Variants in CRTC1 observed in about 807,000 individuals in gnomAD.
CRTC1 encodes CREB-regulated transcription coactivator 1.
In CRTC1, 18 loss-of-function variants were observed where a neutral mutation model predicts 66.1. The observed-to-expected ratio is 0.27, with a 90% CI of 0.19 to 0.40. The LOEUF is 0.40. CRTC1 is among the 10% of genes least tolerant of loss of function. The pLI is 1.00. For missense variants in CRTC1, 669 were observed against 887.9 expected, an observed-to-expected ratio of 0.75 and a Z score of 3.13; for synonymous variants, 416 against 398.8, an observed-to-expected ratio of 1.04 and a Z score of -0.51.
Position 18,774,965 on chromosome 19 carries a change from G to A in CRTC1, c.1491G>A (p.Gln497=). ...AYYEQQMAAR[Q]ANALSHQLEQ... ...ATGAGCAGCAGATGGCGGCCAGGCA[G>A]GCCAATGCTCTGTCCCACCAGGTGA... Residue 497 remains glutamine (Q), a synonymous_variant, in exon 12 of 14, where the codon CAG becomes CAA. Coordinates refer to ENST00000321949, the MANE Select transcript of CRTC1 (RefSeq NM_015321.3). The A allele has an allele frequency of 6.2e-7, 1 of 1,607,396 alleles. No individual in the cohort carries two copies. The highest frequency in any genetic ancestry group is 8.5e-7 in the Non-Finnish European group (1 of 1,179,962).
intron 11 of CRTC1, among the ~76,000 whole-genome samples, chr19:18,772,823 G>A (rs2054899966): frequency 6.6e-6 from 1 of 152,176 alleles, no homozygotes; most frequent in Non-Finnish European, 1.5e-5. Flanking sequence ...TGAGCTCTCG[G>A]GCTCTGGCAG....
Position 18,755,180 on chromosome 19 carries a change from G to T in CRTC1, c.624+1595G>T, listed in dbSNP as rs572333307. On this transcript the variant is annotated intron_variant, in intron 6 of 13. Coordinates refer to ENST00000321949, the MANE Select transcript of CRTC1 (RefSeq NM_015321.3). ...ATTTTTGTATTTTTGGTAGAAACAG[G>T]GTTTCACCATGTTGGCCAGGCTGGT... 9.3e-4 allele frequency among the ~76,000 whole-genome samples: 141 copies of T among 152,014 alleles called. 1 individual carries two copies. The highest frequency in any genetic ancestry group is 1.6e-3 in the Non-Finnish European group (108 of 67,976).
At chr19:18,685,918 T>G (rs1347358775) in intron 1 of CRTC1, among the ~76,000 whole-genome samples, 1 of 152,214 alleles carries the variant, frequency 6.6e-6, no homozygotes, top group Non-Finnish European at 1.5e-5. Flanking sequence ...AAACATCTCT[T>G]TAAAATAATA....
chr19:18,684,306 G>C (rs1451042783), intron 1 of CRTC1, among the ~76,000 whole-genome samples: 2 of 151,586 alleles, frequency 1.3e-5, no homozygotes, highest in Non-Finnish European at 1.5e-5. Flanking sequence ...TGGTAGCTGG[G>C]GGTGAGGGTG....
chr19:18,686,915 T>G (rs2052696358), intron 1 of CRTC1, among the ~76,000 whole-genome samples: 1 of 151,432 alleles, frequency 6.6e-6, no homozygotes, highest in African/African-American at 2.4e-5. Context: ...GGGTGGAGGC[T>G]GGGATGCTGC....
In CRTC1 at chr19:18,779,640, C is replaced by T. The variant is rs1393136061; in HGVS notation, c.*2258C>T. 2.2e-5 allele frequency: 5 copies of T among 223,334 alleles called. No homozygotes were observed. The highest frequency in any genetic ancestry group is 1.8e-4 in the South Asian group (1 of 5,446). The allele number at this position is 223,334 out of a possible 1,614,324, so 13.8% of individuals were successfully genotyped here. On this transcript the variant is annotated 3_prime_UTR_variant, in exon 14 of 14. Transcript: ENST00000321949. The stretch of plus-strand genomic sequence containing the variant: ...CCTCATACCCCATCCGTCCAACCTC[C>T]GGCGGGCGCCACTGCTTGTCCTCTG...
chr19:18,749,033 C>T (rs955359102), intron 4 of CRTC1, among the ~76,000 whole-genome samples: 1 of 152,120 alleles, frequency 6.6e-6, no homozygotes, highest in Non-Finnish European at 1.5e-5. Flanking sequence ...CCACATTTTG[C>T]CTGGCAGCCA....
intron 1 of CRTC1, among the ~76,000 whole-genome samples, chr19:18,689,381 A>C (rs1200742909): frequency 6.8e-6 from 1 of 146,592 alleles, no homozygotes; most frequent in African/African-American, 2.5e-5. Flanking sequence ...TAGTGACTTC[A>C]AGCCTCTAAC....
Position 18,719,699 on chromosome 19 carries a change from G to A in CRTC1, c.127-23211G>A, listed in dbSNP as rs1002655751. Among the ~76,000 whole-genome samples the A allele has an allele frequency of 3.9e-5, 6 of 152,142 alleles. 1 individual carries two copies. Among genetic ancestry groups the A allele is most frequent in the African/African-American group, 1.4e-4 (6 of 41,418 alleles). ...GCCGTTTTCAAAAATCATTTGTTCC[G>A]CCTCGACCGGAGGTGGCTCCTGGCA... On this transcript the variant is annotated intron_variant, in intron 1 of 13. Coordinates refer to ENST00000321949, the MANE Select transcript of CRTC1 (RefSeq NM_015321.3).
At chr19:18,693,788 TCTTA>T (rs2052914132) in intron 1 of CRTC1, among the ~76,000 whole-genome samples, 1 of 150,620 alleles carries the variant, frequency 6.6e-6, no homozygotes, top group Non-Finnish European at 1.5e-5. Context: ...CCCGCTTAAC[TCTTA>T]CTGTTTGCAG....
At chr19:18,685,408 A>G (rs2052663881) in intron 1 of CRTC1, among the ~76,000 whole-genome samples, 1 of 152,190 alleles carries the variant, frequency 6.6e-6, no homozygotes, top group Non-Finnish European at 1.5e-5. Flanking sequence ...CTGTAATCCC[A>G]GCACTTTGGA....
chr19:18,685,801 ATGTT>A (rs1487238608), intron 1 of CRTC1, among the ~76,000 whole-genome samples: 1 of 152,110 alleles, frequency 6.6e-6, no homozygotes, highest in Admixed American at 6.6e-5. Flanking sequence ...TTGTTGTCAA[ATGTT>A]TGCAGTGTGA....
chr19:18,708,683 T>C (rs1347532628), intron 1 of CRTC1, among the ~76,000 whole-genome samples: 1 of 152,154 alleles, frequency 6.6e-6, no homozygotes, highest in African/African-American at 2.4e-5. Flanking sequence ...GGAGCCAAGT[T>C]TGAGAGGCAG....
At chr19:18,751,595 T>A (rs2054364735) in intron 5 of CRTC1, among the ~76,000 whole-genome samples, 1 of 152,200 alleles carries the variant, frequency 6.6e-6, no homozygotes, top group Non-Finnish European at 1.5e-5. Context: ...AAAGGCACTT[T>A]CAGGCCCGGC....
intron 7 of CRTC1, 124 bp downstream of exon 7, chr19:18,759,715 G>A: frequency 9.1e-7 from 1 of 1,098,108 alleles, no homozygotes; most frequent in Non-Finnish European, 1.3e-6. Context: ...GTGACCAGAG[G>A]CCAGTGACAG....
At chr19:18,696,311 G>T (rs924024883) in intron 1 of CRTC1, among the ~76,000 whole-genome samples, 1 of 152,166 alleles carries the variant, frequency 6.6e-6, no homozygotes, top group Non-Finnish European at 1.5e-5. Context: ...CTCAGAGCAG[G>T]TACGACAGTG....
chr19:18,767,680 G>C (rs1193190944), intron 9 of CRTC1, among the ~76,000 whole-genome samples: 3 of 152,168 alleles, frequency 2.0e-5, no homozygotes, highest in Non-Finnish European at 4.4e-5. Context: ...AGCTGTGGGC[G>C]CTGGCTCCTG....
chr19:18,767,528 C>A (rs1158636715), intron 9 of CRTC1, among the ~76,000 whole-genome samples: 1 of 152,204 alleles, frequency 6.6e-6, no homozygotes, highest in Admixed American at 6.5e-5. Context: ...ACCACAGTGG[C>A]ATTGTCCACC....
chr19:18,781,168 A>G lies in CRTC1; in HGVS notation c.*3786A>G. ...GAGCAAGGGCCACAAAGCCGATGGC[A>G]CAGATGTGCCCCTGGGCCTGGCCCG... is the stretch of plus-strand genomic sequence containing the variant. On this transcript the variant is annotated 3_prime_UTR_variant, in exon 14 of 14. Transcript: ENST00000321949. The G allele has an allele frequency of 4.4e-6, 1 of 227,134 alleles. No individual in the cohort carries two copies. Among genetic ancestry groups the G allele is most frequent in the African/African-American group, 2.2e-5 (1 of 45,066 alleles). 14.1% of individuals were successfully genotyped at this position (227,134 alleles called of 1,614,324 possible). A position where few individuals can be genotyped will look rare whatever the true frequency, so the allele number is the denominator to read the frequency against.
Sources: allele counts gnomAD v4.1 joint callset (sites outside exome capture counted in the v4.1 genomes callset), GRCh38; gene constraint gnomAD v4.1.1; transcripts MANE v1.5; gene names NCBI Gene and HGNC (gene_info 2026-07-23, HGNC 2026-07-21).